Variants in ELAPOR2 observed in about 807,000 individuals in gnomAD.
ELAPOR2 encodes endosome-lysosome associated apoptosis and autophagy regulator family member 2.
ELAPOR2 carries 89 observed loss-of-function variants against 120.7 expected under a neutral mutation model. The observed-to-expected ratio is 0.74, with a 90% CI of 0.62 to 0.88. ELAPOR2 has a LOEUF of 0.88. Ranked by LOEUF, ELAPOR2 falls within the 40% of genes least tolerant of loss-of-function variation. The pLI is 0.00. For synonymous variants in ELAPOR2, 444 were observed against 444.9 expected (o/e 1.00, Z 0.03); for missense variants, 1,134 against 1,251.6 (o/e 0.91, Z 1.42).
At chr7:86,957,933 C>T (rs969115327) in intron 2 of ELAPOR2, among the ~76,000 whole-genome samples, 1 of 152,058 alleles carries the variant, frequency 6.6e-6, no homozygotes, top group African/African-American at 2.4e-5. Context: ...GAACATTAAT[C>T]AATTAAAAAT....
At chr7:87,024,171 G>T (rs561189361) in intron 1 of ELAPOR2, among the ~76,000 whole-genome samples, 1 of 152,230 alleles carries the variant, frequency 6.6e-6, no homozygotes, top group Admixed American at 6.5e-5. Flanking sequence ...TCCAGTTTTT[G>T]CCCATTCAGT....
chr7:86,947,984 G>T, intron 2 of ELAPOR2, 62 bp from the exon 3 acceptor site: 2 of 1,105,196 alleles, frequency 1.8e-6, no homozygotes, highest in Non-Finnish European at 1.3e-6. Context: ...TCCCCTTCAT[G>T]CTGTCACCAG....
chr7:87,020,490 T>C (rs1794003118), intron 1 of ELAPOR2, among the ~76,000 whole-genome samples: 1 of 152,040 alleles, frequency 6.6e-6, no homozygotes, highest in Admixed American at 6.6e-5. Context: ...ACCTCTAAAA[T>C]ACTATATTGT....
intron 1 of ELAPOR2, among the ~76,000 whole-genome samples, chr7:87,001,579 A>T (rs1793317176): frequency 6.6e-6 from 1 of 152,132 alleles, no homozygotes; most frequent in South Asian, 2.1e-4. Context: ...GCCAACAAGT[A>T]GGATCTCTGA....
intron 21 of ELAPOR2, among the ~76,000 whole-genome samples, chr7:86,889,382 T>TA (rs1799846180): frequency 6.6e-6 from 1 of 151,088 alleles, no homozygotes; most frequent in Non-Finnish European, 1.5e-5. Flanking sequence ...CCCCCCACCC[T>TA]ATTCCCAGGG....
intron 4 of ELAPOR2, among the ~76,000 whole-genome samples, chr7:86,944,039 C>T (rs1481457007): frequency 2.0e-5 from 3 of 152,024 alleles, no homozygotes; most frequent in African/African-American, 7.2e-5. Context: ...TACCAAACTT[C>T]TGATTTAGAA....
chr7:86,924,383 A>G (rs1016576431), intron 10 of ELAPOR2, among the ~76,000 whole-genome samples: 91 of 148,502 alleles, frequency 6.1e-4, no homozygotes, highest in African/African-American at 2.2e-3. Flanking sequence ...ATACACACAC[A>G]CACACACACA....
At chr7:87,026,412 AATTTTTAAGAAATT>A (rs1245070884) in intron 1 of ELAPOR2, among the ~76,000 whole-genome samples, 1 of 151,972 alleles carries the variant, frequency 6.6e-6, no homozygotes, top group Non-Finnish European at 1.5e-5. Context: ...AACAACATGA[AATTTTTAAGAAATT>A]ATTTAAAGTA....
intron 10 of ELAPOR2, 128 bp from the exon 11 acceptor site, chr7:86,919,438 A>C: frequency 1.8e-6 from 1 of 542,288 alleles, no homozygotes; most frequent in Non-Finnish European, 3.1e-6. Flanking sequence ...GCTACAAATG[A>C]ATTCCCTATT....
intron 1 of ELAPOR2, among the ~76,000 whole-genome samples, chr7:87,009,974 T>A (rs2116660227): frequency 7.1e-6 from 1 of 141,154 alleles, no homozygotes; most frequent in East Asian, 2.0e-4. Flanking sequence ...TCTTTCCAGG[T>A]AAACTCATTA....
At chr7:86,897,401 T>G (rs376887788) in intron 19 of ELAPOR2, 105 bp downstream of exon 19, 48 of 1,369,050 alleles carry the variant, frequency 3.5e-5, no homozygotes, top group Non-Finnish European at 4.5e-5. Context: ...TAACATTAAG[T>G]TAAATACAAG....
At chr7:87,044,590 T>A (rs559985766) in intron 1 of ELAPOR2, among the ~76,000 whole-genome samples, 1 of 151,102 alleles carries the variant, frequency 6.6e-6, no homozygotes, top group East Asian at 1.9e-4. Flanking sequence ...TCCTTACACC[T>A]TATACAAAAA....
chr7:86,938,007 T>G (rs892526869), intron 8 of ELAPOR2, 119 bp downstream of exon 8: 19 of 709,350 alleles, frequency 2.7e-5, no homozygotes, highest in Admixed American at 1.6e-4. Context: ...CTCTAAAATT[T>G]CCTCTTTACA....
chr7:86,906,130 C>T (rs10258008), intron 18 of ELAPOR2, among the ~76,000 whole-genome samples: 1 of 151,980 alleles, frequency 6.6e-6, no homozygotes, highest in African/African-American at 2.4e-5. Context: ...GTTAGGTTCA[C>T]AATATGGCCC....
chr7:86,923,883 A>C (rs970858535), intron 10 of ELAPOR2, among the ~76,000 whole-genome samples: 3 of 152,118 alleles, frequency 2.0e-5, no homozygotes, highest in Admixed American at 6.6e-5. Context: ...ATTTTAGCAC[A>C]TGAAGATTTG....
intron 1 of ELAPOR2, among the ~76,000 whole-genome samples, chr7:87,054,790 C>T (rs1562988941): frequency 6.6e-6 from 1 of 152,232 alleles, no homozygotes; most frequent in Non-Finnish European, 1.5e-5. Flanking sequence ...ATAGGAAACA[C>T]TCTGGTGCTG....
Position 86,939,994 on chromosome 7 carries a change from G to A in ELAPOR2, c.847+16C>T. 6.6e-7 allele frequency: 1 copy of A among 1,525,556 alleles called. No individual in the cohort carries two copies. Among genetic ancestry groups the A allele is most frequent in the Non-Finnish European group, 9.0e-7 (1 of 1,106,620 alleles). 94.5% of individuals were successfully genotyped at this position (1,525,556 alleles called of 1,614,324 possible). A position where few individuals can be genotyped will look rare whatever the true frequency, so the allele number is the denominator to read the frequency against. On this transcript the variant is annotated intron_variant, in intron 6 of 21. Transcript: ENST00000450689. Reference sequence around the variant, plus strand: ...GATGTGACTGGTGACTACTAAAACAGAATGCCATGAAATACCTTCAATTGT... The same window carrying A: ...GATGTGACTGGTGACTACTAAAACAAAATGCCATGAAATACCTTCAATTGT...
Position 86,907,738 on chromosome 7 carries a change from G to C in ELAPOR2, c.2490C>G (p.Gly830=). 1.3e-6 allele frequency: 2 copies of C among 1,572,124 alleles called. No individual in the cohort carries two copies. ...SSTATTSCIN[G]RSTAVKMRCN... ...ACCTCATTTTCACAGCAGTTGATCG[G>C]CCATTAATACAAGATGTTGTTGCTG... Residue 830 remains glycine (G), a synonymous_variant, in exon 18 of 22, where the codon GGC becomes GGG. Coordinates refer to ENST00000450689, the MANE Select transcript of ELAPOR2 (RefSeq NM_001142749.3).
intron 21 of ELAPOR2, among the ~76,000 whole-genome samples, chr7:86,886,134 C>T (rs2115770182): frequency 6.6e-6 from 1 of 152,158 alleles, no homozygotes; most frequent in South Asian, 2.1e-4. Flanking sequence ...TGATAAACCC[C>T]CAAAACATTC....
Sources: allele counts gnomAD v4.1 joint callset (sites outside exome capture counted in the v4.1 genomes callset), GRCh38; gene constraint gnomAD v4.1.1; transcripts MANE v1.5; gene names NCBI Gene and HGNC (gene_info 2026-07-23, HGNC 2026-07-21).